Variants in ADK observed in about 807,000 individuals in gnomAD.
ADK encodes the protein adenosine kinase, also known as N6,N6-dimethyladenosine kinase.
ADK carries 24 observed loss-of-function variants against 44.7 expected under a neutral mutation model. The ratio of observed to expected loss-of-function variants is 0.54; its 90% CI spans 0.39 to 0.76. ADK has a LOEUF of 0.76. ADK is among the 30% of genes least tolerant of loss of function. The pLI is 0.00. For synonymous variants in ADK, 128 were observed against 142.6 expected, an observed-to-expected ratio of 0.90 and a Z score of 0.73; for missense variants, 321 against 425.1, an observed-to-expected ratio of 0.76 and a Z score of 2.15.
chr10:74,656,447 C>T lies in ADK; in HGVS notation c.878-13736C>T, dbSNP rs1436530836. ...ATCCTCCCAAGGGAGGAGGGAGGATCTGTGGGAAGGTGCAGGCTTTTGGTG... is the reference window on the plus strand; with the variant it reads ...ATCCTCCCAAGGGAGGAGGGAGGATTTGTGGGAAGGTGCAGGCTTTTGGTG... On this transcript the variant is annotated intron_variant, in intron 9 of 10. Transcript: ENST00000539909. Among the ~76,000 whole-genome samples the T allele has an allele frequency of 2.6e-5, 4 of 152,286 alleles. No individual in the cohort carries two copies. The East Asian group carries it at 5.8e-4, about 22-fold the overall frequency.
At chr10:74,470,268 G>A (rs978624753) in intron 6 of ADK, among the ~76,000 whole-genome samples, 3 of 151,750 alleles carry the variant, frequency 2.0e-5, no homozygotes, top group African/African-American at 7.3e-5. Context: ...CAGGTGATCC[G>A]CCTTCCTTGG....
At chr10:74,491,863 A>G (rs1847503708) in intron 6 of ADK, among the ~76,000 whole-genome samples, 1 of 152,148 alleles carries the variant, frequency 6.6e-6, no homozygotes, top group African/African-American at 2.4e-5. Context: ...GTATGGGGCT[A>G]TGGAGTTGGG....
intron 6 of ADK, among the ~76,000 whole-genome samples, chr10:74,459,001 C>T (rs1360154038): frequency 1.3e-5 from 2 of 152,066 alleles, no homozygotes; most frequent in Non-Finnish European, 2.9e-5. Flanking sequence ...AAATTTTGGC[C>T]AGGCACGGTG....
chr10:74,303,593 T>TTTTTTTTTG (rs1840147026), intron 3 of ADK, among the ~76,000 whole-genome samples: 2 of 115,032 alleles, frequency 1.7e-5, no homozygotes, highest in Non-Finnish European at 3.8e-5. Flanking sequence ...ATGTTGTTTT[T>TTTTTTTTTG]TTTTTTTTTT....
intron 4 of ADK, among the ~76,000 whole-genome samples, chr10:74,362,717 A>C (rs532233560): frequency 6.6e-6 from 1 of 152,210 alleles, no homozygotes; most frequent in Admixed American, 6.5e-5. Context: ...CAGGGATTCT[A>C]AAGCTGACTT....
At position 74,226,136 on chromosome 10, in the gene ADK, C is replaced by T. The variant is rs189708378; in HGVS notation, c.194+1545C>T. Among the ~76,000 whole-genome samples the T allele has an allele frequency of 3.9e-5, 6 of 151,936 alleles. No individual in the cohort carries two copies. The East Asian group carries it at 1.2e-3, about 29-fold the overall frequency. On this transcript the variant is annotated intron_variant, in intron 3 of 10. Transcript: ENST00000539909. Reference sequence around the variant, plus strand: ...TTTTTTTGTTTTTTTGAGACAGACTCTTGCTCCGTCACCTAGGCTGGAGTG... The same window carrying T: ...TTTTTTTGTTTTTTTGAGACAGACTTTTGCTCCGTCACCTAGGCTGGAGTG...
At chr10:74,505,190 C>A (rs949354539) in intron 6 of ADK, among the ~76,000 whole-genome samples, 7 of 152,012 alleles carry the variant, frequency 4.6e-5, no homozygotes, top group Non-Finnish European at 7.4e-5. Flanking sequence ...TTTTCATTTC[C>A]CTAAAAATGT....
intron 8 of ADK, among the ~76,000 whole-genome samples, chr10:74,591,105 A>T (rs1851700306): frequency 6.6e-6 from 1 of 152,156 alleles, no homozygotes; most frequent in Admixed American, 6.6e-5. Flanking sequence ...ATTAAGCCTG[A>T]TTAATACTTT....
At position 74,214,904 on chromosome 10, in the gene ADK, T is replaced by A. The variant is rs563815165; in HGVS notation, c.141-9634T>A. ...ATAGCAACCCTGTGACATAGGCAGG[T>A]TTATCCTCATTAGAGAAATTAAGTG... On this transcript the variant is annotated intron_variant, in intron 2 of 10. Transcript: ENST00000539909. Among the ~76,000 whole-genome samples, 27 of 152,320 alleles carry A rather than the reference T, an allele frequency of 1.8e-4. No individual in the cohort carries two copies. The East Asian group carries it at 5.2e-3, about 29-fold the overall frequency.
At chr10:74,666,492 A>C (rs977311044) in intron 9 of ADK, among the ~76,000 whole-genome samples, 1 of 146,456 alleles carries the variant, frequency 6.8e-6, no homozygotes, top group Admixed American at 6.6e-5. Flanking sequence ...CTCACTTTAC[A>C]AAAAGTTTGT....
chr10:74,277,202 G>GC (rs1044255452), intron 3 of ADK, among the ~76,000 whole-genome samples: 8 of 152,122 alleles, frequency 5.3e-5, no homozygotes, highest in Non-Finnish European at 1.0e-4. Context: ...ACAGGCATGA[G>GC]CCACTACACC....
chr10:74,227,581 C>T (rs1192195381), intron 3 of ADK, among the ~76,000 whole-genome samples: 13 of 152,076 alleles, frequency 8.5e-5, no homozygotes, highest in African/African-American at 1.7e-4. Context: ...CGGTGGCTCA[C>T]GCCTGTAATC....
intron 8 of ADK, among the ~76,000 whole-genome samples, chr10:74,597,040 A>G (rs1851950106): frequency 6.6e-6 from 1 of 152,176 alleles, no homozygotes; most frequent in Non-Finnish European, 1.5e-5. Context: ...CTTCTTCGTT[A>G]TAGATACTAT....
rs569181529 is a variant in ADK, at chr10:74,182,568, C to T, written c.66-18196C>T. Among the ~76,000 whole-genome samples, 7 of 152,182 alleles carry T rather than the reference C, an allele frequency of 4.6e-5. No individual in the cohort carries two copies. In the East Asian group the frequency reaches 9.7e-4, roughly 21 times the overall value. On this transcript the variant is annotated intron_variant, in intron 1 of 10. Transcript: ENST00000539909. ...ATTTTTAGTAGAGATGGGGTTTCAT[C>T]GTATTGGTCAGGCTGGCCTCGAACT...
intron 9 of ADK, among the ~76,000 whole-genome samples, chr10:74,609,176 C>T (rs537979165): frequency 3.9e-5 from 6 of 152,262 alleles, no homozygotes; most frequent in South Asian, 2.1e-4. Flanking sequence ...TGCTGGGCTC[C>T]GTCGGGGCAG....
chr10:74,616,575 C>T (rs1271519589), intron 9 of ADK, among the ~76,000 whole-genome samples: 1 of 152,118 alleles, frequency 6.6e-6, no homozygotes, highest in African/African-American at 2.4e-5. Context: ...TCATTGTCCT[C>T]ATTCTCTATC....
In ADK at chr10:74,525,419, A is replaced by G. The variant is rs757880793; in HGVS notation, c.719A>G (p.Asn240Ser). The change falls in exon 7 of 11, where the codon AAT becomes AGT. Residue 240 changes from asparagine (N) to serine (S), a missense_variant. Asn to Ser is a conservative substitution (Grantham distance 46). Transcript: ENST00000539909. Reference protein sequence around the residue: ...VMPYVDILFGNETEAATFARE... With the variant: ...VMPYVDILFGSETEAATFARE... ...CCTTATGTTGATATACTTTTTGGAA[A>G]TGAGACAGTGAGTTACCTTTCCTTT... The G allele has an allele frequency of 5.6e-6, 9 of 1,611,920 alleles. No homozygotes were observed. Among genetic ancestry groups the G allele is most frequent in the Non-Finnish European group, 7.6e-6 (9 of 1,179,322 alleles).
At chr10:74,180,220 A>G (rs955634798) in intron 1 of ADK, among the ~76,000 whole-genome samples, 1 of 105,622 alleles carries the variant, frequency 9.5e-6, no homozygotes, top group African/African-American at 2.9e-5. Context: ...TATTATTATT[A>G]TTATTATTAT....
Position 74,569,646 on chromosome 10 carries a change from G to T in ADK, c.727-19636G>T, listed in dbSNP as rs566991177. ...GCTGTTTTTTTCTTGTGAATTTGTT[G>T]GAGTTCATTGTAGATTCTGGATATT... On this transcript the variant is annotated intron_variant, in intron 7 of 10. Transcript: ENST00000539909. Among the ~76,000 whole-genome samples, 9 of 152,088 alleles carry T rather than the reference G, an allele frequency of 5.9e-5. No homozygotes were observed. The East Asian group carries it at 9.7e-4, about 16-fold the overall frequency.
Sources: gnomAD v4.1 joint callset for allele counts (sites outside exome capture counted in the v4.1 genomes callset) on GRCh38, gnomAD v4.1.1 for gene constraint, MANE v1.5 for transcripts, NCBI Gene and HGNC (gene_info 2026-07-23, HGNC 2026-07-21) for gene names.